CACNB2: variants seen among roughly 807,000 people sequenced by gnomAD.
The protein encoded by CACNB2 is voltage-dependent L-type calcium channel subunit beta-2.
Under a neutral mutation model 73.3 loss-of-function variants are expected in CACNB2, and 42 were observed. The observed-to-expected ratio is 0.57, with a 90% CI of 0.45 to 0.74. CACNB2 has a LOEUF of 0.74. CACNB2 is among the 30% of genes least tolerant of loss of function. CACNB2 has a pLI of 0.00. For synonymous variants in CACNB2, 348 were observed against 310.3 expected (o/e 1.12, Z -1.28); for missense variants, 940 against 853.0 (o/e 1.10, Z -1.27).
chr10:18,357,539 C>T (rs1281929447), intron 2 of CACNB2, among the ~76,000 whole-genome samples: 2 of 152,156 alleles, frequency 1.3e-5, no homozygotes, highest in Non-Finnish European at 2.9e-5. Context: ...CAATAGTTAA[C>T]AATTTGGTAA....
chr10:18,272,735 T>C (rs1564394684), intron 2 of CACNB2, among the ~76,000 whole-genome samples: 1 of 152,246 alleles, frequency 6.6e-6, no homozygotes, highest in Non-Finnish European at 1.5e-5. Context: ...CCCTTTGCTC[T>C]TCCTTTGCCT....
intron 2 of CACNB2, among the ~76,000 whole-genome samples, chr10:18,266,111 C>T (rs140841355): frequency 6.6e-5 from 10 of 152,328 alleles, no homozygotes; most frequent in East Asian, 1.9e-4. Flanking sequence ...ATTGTTCCAA[C>T]GCACATTTAC....
chr10:18,255,195 A>G (rs2037233057), intron 2 of CACNB2, among the ~76,000 whole-genome samples: 1 of 152,098 alleles, frequency 6.6e-6, no homozygotes, highest in Non-Finnish European at 1.5e-5. Context: ...CGTGGCCCTC[A>G]TGATCTTGCC....
At chr10:18,499,400 A>G (rs866992727) in intron 4 of CACNB2, among the ~76,000 whole-genome samples, 8 of 151,962 alleles carry the variant, frequency 5.3e-5, no homozygotes, top group Non-Finnish European at 8.8e-5. Context: ...GGCGGATCAC[A>G]AGGTCAGGAG....
intron 5 of CACNB2, 63 bp from the exon 6 acceptor site, chr10:18,506,408 A>G: frequency 1.2e-6 from 1 of 832,772 alleles, no homozygotes; most frequent in South Asian, 1.4e-5. Context: ...TTACTGAATA[A>G]TATAAATGTT....
chr10:18,332,767 T>A (rs2040853449), intron 2 of CACNB2, among the ~76,000 whole-genome samples: 2 of 152,208 alleles, frequency 1.3e-5, no homozygotes, highest in Admixed American at 1.3e-4. Flanking sequence ...AGGAGAAATA[T>A]TGAAACATTA....
chr10:18,409,163 G>A (rs1188948800), intron 3 of CACNB2, among the ~76,000 whole-genome samples: 1 of 152,132 alleles, frequency 6.6e-6, no homozygotes, highest in Non-Finnish European at 1.5e-5. Flanking sequence ...GCTGGGTGTG[G>A]TGTTGTGCAT....
intron 3 of CACNB2, among the ~76,000 whole-genome samples, chr10:18,443,716 CTT>C (rs11412050): frequency 4.4e-5 from 6 of 135,760 alleles, no homozygotes; most frequent in Non-Finnish European, 7.8e-5. Context: ...TCCTACATAC[CTT>C]TTTTTTTTTT....
intron 2 of CACNB2, among the ~76,000 whole-genome samples, chr10:18,284,466 A>G (rs1253481895): frequency 1.3e-5 from 2 of 152,208 alleles, no homozygotes; most frequent in Non-Finnish European, 2.9e-5. Context: ...CAGATTTGCT[A>G]AAGTATCCTT....
chr10:18,539,771 T>C lies in CACNB2; in HGVS notation c.*47T>C. 3.9e-6 allele frequency: 6 copies of C among 1,556,100 alleles called. No homozygotes were observed. Among genetic ancestry groups the C allele is most frequent in the South Asian group, 1.2e-5 (1 of 85,016 alleles). On this transcript the variant is annotated 3_prime_UTR_variant, in exon 14 of 14. Coordinates refer to ENST00000324631, the MANE Select transcript of CACNB2 (RefSeq NM_201596.3). ...TTTTTTTTTTTTTTGAAGTCTTGTA[T>C]AACTAACAGCATCCCCAAAACAAAG... is the stretch of plus-strand genomic sequence containing the variant.
intron 2 of CACNB2, among the ~76,000 whole-genome samples, chr10:18,327,921 C>G (rs2040647790): frequency 6.6e-6 from 1 of 152,024 alleles, no homozygotes; most frequent in Non-Finnish European, 1.5e-5. Flanking sequence ...GAAGTTTTGT[C>G]AAATGCCTGA....
intron 2 of CACNB2, among the ~76,000 whole-genome samples, chr10:18,339,988 A>G (rs1464918904): frequency 6.6e-6 from 1 of 152,182 alleles, no homozygotes; most frequent in Non-Finnish European, 1.5e-5. Flanking sequence ...CAAAATGGTA[A>G]ACTGTGATTT....
At chr10:18,514,811 T>A (rs2051116156) in intron 7 of CACNB2, among the ~76,000 whole-genome samples, 1 of 152,226 alleles carries the variant, frequency 6.6e-6, no homozygotes, top group Non-Finnish European at 1.5e-5. Flanking sequence ...GCACCTAAAT[T>A]GTGCATGCTT....
chr10:18,215,612 G>C (rs2131368178), intron 2 of CACNB2, among the ~76,000 whole-genome samples: 1 of 152,230 alleles, frequency 6.6e-6, no homozygotes, highest in Non-Finnish European at 1.5e-5. Flanking sequence ...CTCTTTTATG[G>C]CTATGCATGT....
At chr10:18,331,397 T>C (rs561232333) in intron 2 of CACNB2, among the ~76,000 whole-genome samples, 51 of 150,144 alleles carry the variant, frequency 3.4e-4, no homozygotes, top group African/African-American at 1.3e-3. Flanking sequence ...GAGGCTGCAG[T>C]GAGCTATGTT....
intron 9 of CACNB2, among the ~76,000 whole-genome samples, chr10:18,526,103 G>A (rs146443623): frequency 5.5e-4 from 84 of 152,248 alleles, no homozygotes; most frequent in African/African-American, 1.8e-3. Context: ...GCTCATAGGC[G>A]GAGCTTGTCA....
At chr10:18,407,402 G>T (rs1332300265) in intron 3 of CACNB2, among the ~76,000 whole-genome samples, 3 of 151,884 alleles carry the variant, frequency 2.0e-5, no homozygotes, top group Non-Finnish European at 4.4e-5. Flanking sequence ...GCTTACAGAT[G>T]TGGCCCACCA....
intron 2 of CACNB2, among the ~76,000 whole-genome samples, chr10:18,216,110 A>T (rs2035500502): frequency 6.7e-6 from 1 of 148,976 alleles, no homozygotes; most frequent in Non-Finnish European, 1.5e-5. Context: ...AGCCTGACCA[A>T]CATGGTGAAA....
chr10:18,480,100 C>G (rs943062131), intron 3 of CACNB2, among the ~76,000 whole-genome samples: 1 of 152,078 alleles, frequency 6.6e-6, no homozygotes, highest in Non-Finnish European at 1.5e-5. Context: ...TCTGATGATA[C>G]TTTCAAAAAA....
Sources: allele counts gnomAD v4.1 joint callset (sites outside exome capture counted in the v4.1 genomes callset), GRCh38; gene constraint gnomAD v4.1.1; transcripts MANE v1.5; gene names NCBI Gene and HGNC (gene_info 2026-07-23, HGNC 2026-07-21).